Variants in DAB1 observed in about 807,000 individuals in gnomAD.
The protein encoded by DAB1 is DAB adaptor protein 1.
In DAB1, 15 loss-of-function variants were observed where a neutral mutation model predicts 64.6. The observed-to-expected ratio is 0.23, with a 90% CI of 0.16 to 0.36. DAB1 has a LOEUF of 0.36. DAB1 is among the 10% of genes least tolerant of loss of function. The pLI is 1.00. For missense variants in DAB1, 596 were observed against 706.7 expected (o/e 0.84, Z 1.78); for synonymous variants, 235 against 251.9 (o/e 0.93, Z 0.64).
chr1:57,108,440 G>A (rs985545870), intron 4 of DAB1, among the ~76,000 whole-genome samples: 7 of 152,088 alleles, frequency 4.6e-5, no homozygotes, highest in South Asian at 2.1e-4. Context: ...TACCCTGCAC[G>A]TCACTATCCT....
intron 11 of DAB1, among the ~76,000 whole-genome samples, chr1:57,017,968 G>C (rs190959664): frequency 3.3e-5 from 5 of 152,270 alleles, no homozygotes; most frequent in African/African-American, 1.2e-4. Flanking sequence ...CACAAGAGGA[G>C]GGGGTGGCAC....
chr1:57,401,882 A>G (rs1683270580), intron 1 of DAB1, among the ~76,000 whole-genome samples: 1 of 152,170 alleles, frequency 6.6e-6, no homozygotes, highest in Non-Finnish European at 1.5e-5. Context: ...GATTTGCTAA[A>G]ACTGAGCTTC....
chr1:57,061,688 C>A (rs1035486684), intron 9 of DAB1, among the ~76,000 whole-genome samples: 1 of 152,180 alleles, frequency 6.6e-6, no homozygotes, highest in Non-Finnish European at 1.5e-5. Context: ...CATTTCATAT[C>A]TATGTATTCT....
At chr1:57,040,196 G>A (rs1190487395) in intron 9 of DAB1, among the ~76,000 whole-genome samples, 3 of 152,074 alleles carry the variant, frequency 2.0e-5, no homozygotes, top group Non-Finnish European at 4.4e-5. Context: ...TCGTGGGGTT[G>A]GGGAAGCTGG....
At chr1:58,247,264 C>G (rs565733564) in intron 4 of DAB1, among the ~76,000 whole-genome samples, 1 of 117,804 alleles carries the variant, frequency 8.5e-6, no homozygotes, top group African/African-American at 2.9e-5. Context: ...CATTTCCCCC[C>G]CCGCCAGGTT....
At chr1:57,754,025 C>T (rs370248162) in intron 6 of DAB1, among the ~76,000 whole-genome samples, 12 of 152,236 alleles carry the variant, frequency 7.9e-5, no homozygotes, top group South Asian at 6.2e-4. Flanking sequence ...ACTAACTTGC[C>T]GTGGGTCACA....
At position 57,998,131 on chromosome 1, in the gene DAB1, T is replaced by G. The variant is rs1646454045; in HGVS notation, n.388-113969A>C. ...CCCTGGTACTTCTAGAAATTCTGTG[T>G]CCTGCCAGAGACAATGTAGTATAAA... On this transcript the variant is annotated intron_variant and non_coding_transcript_variant, in intron 5 of 20. Transcript: ENST00000485760. 2.0e-5 allele frequency among the ~76,000 whole-genome samples: 3 copies of G among 152,294 alleles called. No homozygotes were observed. The South Asian group carries it at 6.2e-4, about 32-fold the overall frequency.
intron 5 of DAB1, among the ~76,000 whole-genome samples, chr1:57,978,109 A>G (rs1645967693): frequency 6.6e-6 from 1 of 152,164 alleles, no homozygotes; most frequent in Non-Finnish European, 1.5e-5. Context: ...CATAGCCAAG[A>G]AAATCCTGGG....
chr1:57,422,945 G>C (rs1422926820), intron 1 of DAB1, among the ~76,000 whole-genome samples: 3 of 152,256 alleles, frequency 2.0e-5, no homozygotes, highest in African/African-American at 7.2e-5. Flanking sequence ...TACTCCTCGG[G>C]ACGCAGCCAG....
At chr1:57,473,256 T>C (rs749447325) in intron 7 of DAB1, among the ~76,000 whole-genome samples, 6 of 152,204 alleles carry the variant, frequency 3.9e-5, no homozygotes, top group Non-Finnish European at 8.8e-5. Flanking sequence ...AATAGCTACC[T>C]CACACAGTGT....
At chr1:58,516,790 T>C (rs867679716) in intron 2 of DAB1, among the ~76,000 whole-genome samples, 11 of 152,150 alleles carry the variant, frequency 7.2e-5, no homozygotes, top group Admixed American at 2.0e-4. Flanking sequence ...GCTCACAAGA[T>C]TGACATAAAA....
chr1:57,238,357 C>T (rs762162584), intron 2 of DAB1, among the ~76,000 whole-genome samples: 1 of 152,200 alleles, frequency 6.6e-6, no homozygotes, highest in Non-Finnish European at 1.5e-5. Flanking sequence ...ACCTGTGCCA[C>T]AGCAACCTAG....
intron 5 of DAB1, chr1:58,048,862 C>G: frequency 1.0e-6 from 1 of 966,712 alleles, no homozygotes; most frequent in South Asian, 1.3e-5. Context: ...GCCCCTTTTT[C>G]TTTGCCACTG....
chr1:57,204,671 G>A (rs184607795), intron 2 of DAB1, among the ~76,000 whole-genome samples: 55 of 152,242 alleles, frequency 3.6e-4, no homozygotes, highest in Admixed American at 6.5e-4. Context: ...ATGTATGGGG[G>A]AAATCATAAT....
intron 7 of DAB1, among the ~76,000 whole-genome samples, chr1:57,436,637 T>G (rs1468403357): frequency 1.3e-5 from 2 of 152,150 alleles, no homozygotes; most frequent in African/African-American, 4.8e-5. Flanking sequence ...CCCTTTAAAT[T>G]CCATTAATGC....
intron 3 of DAB1, among the ~76,000 whole-genome samples, chr1:58,422,176 A>T (rs1419357982): frequency 6.6e-6 from 1 of 152,050 alleles, no homozygotes; most frequent in Non-Finnish European, 1.5e-5. Flanking sequence ...TGGACCTCAG[A>T]TTTACAACCT....
intron 9 of DAB1, among the ~76,000 whole-genome samples, chr1:57,062,644 C>T (rs778171542): frequency 1.4e-4 from 21 of 152,168 alleles, no homozygotes; most frequent in Non-Finnish European, 2.9e-4. Context: ...TGATTCAACT[C>T]ACTCCCACTC....
At chr1:58,373,329 C>T (rs200887906) in intron 3 of DAB1, among the ~76,000 whole-genome samples, 2 of 89,526 alleles carry the variant, frequency 2.2e-5, no homozygotes, top group Non-Finnish European at 2.9e-5. Context: ...CCACTCCCCC[C>T]TCCCCACCAC....
chr1:58,160,129 T>G (rs1655447590), intron 4 of DAB1, among the ~76,000 whole-genome samples: 1 of 152,166 alleles, frequency 6.6e-6, no homozygotes, highest in African/African-American at 2.4e-5. Context: ...GTCTGTGGTT[T>G]GAGGTAGAAT....
Sources: gnomAD v4.1 joint callset for allele counts (sites outside exome capture counted in the v4.1 genomes callset) on GRCh38, gnomAD v4.1.1 for gene constraint, MANE v1.5 for transcripts, NCBI Gene and HGNC (gene_info 2026-07-23, HGNC 2026-07-21) for gene names.